Variants in HIVEP3 observed in about 807,000 individuals in gnomAD.
HIVEP3 encodes HIVEP zinc finger 3, also known as transcription factor HIVEP3.
HIVEP3 carries 49 observed loss-of-function variants against 152.8 expected under a neutral mutation model. That is an observed-to-expected ratio of 0.32 (90% CI 0.26 to 0.41). The LOEUF is 0.41. HIVEP3 is among the 10% of genes least tolerant of loss of function. The pLI is 1.00. For missense variants in HIVEP3, 2,790 were observed against 3,103.3 expected (o/e 0.90, Z 2.40); for synonymous variants, 1,269 against 1,289.0 (o/e 0.98, Z 0.33).
At chr1:41,967,735 C>A (rs904504757) in intron 1 of HIVEP3, among the ~76,000 whole-genome samples, 4 of 151,906 alleles carry the variant, frequency 2.6e-5, no homozygotes, top group South Asian at 2.1e-4. Context: ...ACAAAAAAAA[C>A]CCTTCAAAAA....
At chr1:41,766,280 T>G (rs577701596) in intron 1 of HIVEP3, among the ~76,000 whole-genome samples, 14 of 152,324 alleles carry the variant, frequency 9.2e-5, no homozygotes, top group Non-Finnish European at 1.6e-4. Context: ...TTTTCACAAC[T>G]AGAGGTTACT....
chr1:41,963,277 C>G (rs1026869613), intron 1 of HIVEP3, among the ~76,000 whole-genome samples: 24 of 152,210 alleles, frequency 1.6e-4, no homozygotes, highest in African/African-American at 5.1e-4. Flanking sequence ...TCCCAAAGTG[C>G]TGGGATTACG....
chr1:41,992,167 G>C (rs1364420723), intron 1 of HIVEP3, among the ~76,000 whole-genome samples: 127 of 147,092 alleles, frequency 8.6e-4, no homozygotes, highest in African/African-American at 3.1e-3. Flanking sequence ...GGCAGGAGAA[G>C]GAAATAAAGG....
At chr1:41,645,763 A>G (rs1645449657) in intron 2 of HIVEP3, among the ~76,000 whole-genome samples, 1 of 152,180 alleles carries the variant, frequency 6.6e-6, no homozygotes, top group East Asian at 1.9e-4. Context: ...CCAACCAACC[A>G]TTCGTTCATG....
At chr1:41,816,824 A>G (rs1651301171) in intron 1 of HIVEP3, among the ~76,000 whole-genome samples, 1 of 152,192 alleles carries the variant, frequency 6.6e-6, no homozygotes, top group Admixed American at 6.5e-5. Flanking sequence ...CTAACACACC[A>G]CTTGCTTCAT....
intron 5 of HIVEP3, among the ~76,000 whole-genome samples, chr1:41,529,065 CCTCACA>C (rs1400614520): frequency 7.2e-6 from 1 of 139,692 alleles, no homozygotes; most frequent in African/African-American, 2.7e-5. Context: ...CCACCCTCAC[CCTCACA>C]CTCACACACA....
At chr1:41,994,301 C>A (rs972159947) in intron 1 of HIVEP3, among the ~76,000 whole-genome samples, 1 of 149,150 alleles carries the variant, frequency 6.7e-6, no homozygotes, top group Non-Finnish European at 1.5e-5. Context: ...GCCTAGGAAA[C>A]AATGTATTAT....
intron 1 of HIVEP3, among the ~76,000 whole-genome samples, chr1:41,978,236 C>G (rs569882587): frequency 2.0e-5 from 3 of 152,072 alleles, no homozygotes; most frequent in African/African-American, 7.3e-5. Flanking sequence ...GATCTCCAAG[C>G]TGAGAAATAC....
At chr1:41,969,860 A>G (rs907737695) in intron 1 of HIVEP3, among the ~76,000 whole-genome samples, 2 of 152,228 alleles carry the variant, frequency 1.3e-5, no homozygotes, top group African/African-American at 4.8e-5. Context: ...ATAAATTTAC[A>G]AGCAAAAAAC....
chr1:41,967,192 T>C (rs1474585259), intron 1 of HIVEP3, among the ~76,000 whole-genome samples: 1 of 152,194 alleles, frequency 6.6e-6, no homozygotes, highest in Admixed American at 6.5e-5. Context: ...CTGGATCAAG[T>C]GGACCTGATA....
chr1:41,620,620 C>A (rs966058789), intron 3 of HIVEP3, among the ~76,000 whole-genome samples: 2 of 152,196 alleles, frequency 1.3e-5, no homozygotes, highest in Non-Finnish European at 2.9e-5. Context: ...ACCTGCCCCA[C>A]CCAGCACGCC....
chr1:41,954,896 C>T (rs1472166430), intron 1 of HIVEP3, among the ~76,000 whole-genome samples: 2 of 151,742 alleles, frequency 1.3e-5, no homozygotes, highest in East Asian at 1.9e-4. Context: ...AAGCTTGGGA[C>T]GTGAGTCACA....
Position 41,832,553 on chromosome 1 carries a change from G to A in HIVEP3, c.-801+85860C>T, listed in dbSNP as rs544563115. ...CTCAAAAAAACAAAAATTACTGGGT[G>A]TGTGTGAAAGCACTTTATAAACCAG... On this transcript the variant is annotated intron_variant, in intron 1 of 8. Coordinates refer to ENST00000372583, the MANE Select transcript of HIVEP3 (RefSeq NM_024503.5). Among the ~76,000 whole-genome samples, 31 of 152,290 alleles carry A rather than the reference G, an allele frequency of 2.0e-4. No individual in the cohort carries two copies. In the South Asian group the frequency reaches 5.2e-3, roughly 25 times the overall value.
rs190617717 is a variant in HIVEP3, at chr1:41,631,149, C to T, written c.-720-2202G>A. Among the ~76,000 whole-genome samples, 4 of 152,340 alleles carry T rather than the reference C, an allele frequency of 2.6e-5. No individual in the cohort carries two copies. In the East Asian group the frequency reaches 5.8e-4, roughly 22 times the overall value. Reference sequence around the variant, plus strand: ...GTGGTGGCGTGGCGTGTCATATCCACGCCGTGCTCTTTGGAGGATGCTCTG... The same window carrying T: ...GTGGTGGCGTGGCGTGTCATATCCATGCCGTGCTCTTTGGAGGATGCTCTG... On this transcript the variant is annotated intron_variant, in intron 2 of 8. Coordinates refer to ENST00000372583, the MANE Select transcript of HIVEP3 (RefSeq NM_024503.5).
intron 6 of HIVEP3, among the ~76,000 whole-genome samples, chr1:41,519,334 G>A (rs1386549026): frequency 6.6e-6 from 1 of 152,184 alleles, no homozygotes; most frequent in Non-Finnish European, 1.5e-5. Flanking sequence ...GCAGCTCTGT[G>A]GAATCAGGGA....
intron 5 of HIVEP3, among the ~76,000 whole-genome samples, chr1:41,567,716 C>T (rs2759246): frequency 0.06 from 9,188 of 152,296 alleles, 395 homozygotes; most frequent in Middle Eastern, 0.11. Context: ...AGCTGGCCCA[C>T]GAGCCATCCC....
At chr1:41,824,939 C>G (rs548593000) in intron 1 of HIVEP3, among the ~76,000 whole-genome samples, 1 of 151,630 alleles carries the variant, frequency 6.6e-6, no homozygotes, top group Non-Finnish European at 1.5e-5. Flanking sequence ...AATGGCACTT[C>G]TCAGCTCACT....
chr1:41,965,031 G>A (rs1476669698), intron 1 of HIVEP3, among the ~76,000 whole-genome samples: 3 of 152,228 alleles, frequency 2.0e-5, no homozygotes, highest in Admixed American at 6.5e-5. Context: ...TCAGGTTGGT[G>A]CCTCTTTGGG....
intron 3 of HIVEP3, among the ~76,000 whole-genome samples, chr1:41,585,981 C>T (rs569847622): frequency 2.6e-5 from 4 of 152,298 alleles, no homozygotes; most frequent in African/African-American, 9.6e-5. Flanking sequence ...CACCCCAGCC[C>T]ATGTTTGAAG....
Sources: gnomAD v4.1 joint callset for allele counts (sites outside exome capture counted in the v4.1 genomes callset) on GRCh38, gnomAD v4.1.1 for gene constraint, MANE v1.5 for transcripts, NCBI Gene and HGNC (gene_info 2026-07-23, HGNC 2026-07-21) for gene names.